Variants in ZNF532 observed in about 807,000 individuals in gnomAD.
ZNF532 encodes the protein zinc finger protein 532.
A neutral mutation model predicts 89.3 loss-of-function variants in ZNF532; 22 were observed. The ratio of observed to expected loss-of-function variants is 0.25; its 90% confidence interval spans 0.18 to 0.35. The LOEUF (loss-of-function observed/expected upper bound fraction) is 0.35, where lower values mean the gene tolerates loss of function less well. Among genes scored for constraint, ZNF532 ranks in the 10% least tolerant of loss-of-function variants. The probability of loss-of-function intolerance (pLI) is 1.00; values close to 1 mark genes in which losing one functional copy is unlikely to be tolerated. For synonymous variants in ZNF532, 606 were observed against 649.6 expected (o/e 0.93, Z 1.02); for missense variants, 1,132 against 1,643.4 (o/e 0.69, Z 5.38).
intron 7 of ZNF532, among the ~76,000 whole-genome samples, chr18:58,977,107 G>A (rs1212081593): frequency 6.6e-6 from 1 of 152,118 alleles, no homozygotes. Context: ...AACAGCATTG[G>A]TATAACTTTT....
chr18:58,983,098 C>G (rs994674501), intron 9 of ZNF532, among the ~76,000 whole-genome samples: 1 of 152,022 alleles, frequency 6.6e-6, no homozygotes, highest in Non-Finnish European at 1.5e-5. Flanking sequence ...GGCAATAGCG[C>G]GAGACTCCGT....
intron 4 of ZNF532, among the ~76,000 whole-genome samples, chr18:58,939,219 C>T (rs1448904621): frequency 8.1e-6 from 1 of 123,306 alleles, no homozygotes; most frequent in African/African-American, 3.2e-5. Flanking sequence ...TGCACTCCAG[C>T]CTGGGCGACA....
At chr18:58,911,251 A>G (rs2060264724) in intron 2 of ZNF532, among the ~76,000 whole-genome samples, 1 of 152,208 alleles carries the variant, frequency 6.6e-6, no homozygotes, top group Non-Finnish European at 1.5e-5. Flanking sequence ...CCCAAAATAG[A>G]AGGGACAGAC....
In ZNF532 at chr18:58,920,443, T is replaced by C; in HGVS notation, c.2156T>C (p.Ile719Thr). ...VGAGTHTVTK[I>T]QSGITGTVIS... is the part of the protein sequence containing the mutation. ...GCTGGCACACACACTGTCACAAAAATTCAGTCTGGCATAACTGGGACAGTC... is the reference window on the plus strand; with the variant it reads ...GCTGGCACACACACTGTCACAAAAACTCAGTCTGGCATAACTGGGACAGTC... The change falls in exon 3 of 10, where the codon ATT (isoleucine) becomes ACT (threonine). Residue 719 changes from isoleucine (I) to threonine (T), a missense_variant. Coordinates refer to ENST00000591808, the MANE Select transcript of ZNF532 (RefSeq NM_001375912.1). The C allele has an allele frequency of 6.2e-7, 1 of 1,613,912 alleles. No individual in the cohort carries two copies. Among genetic ancestry groups the C allele is most frequent in the South Asian group, 1.1e-5 (1 of 91,068 alleles).
intron 9 of ZNF532, among the ~76,000 whole-genome samples, chr18:58,982,917 G>A (rs898763711): frequency 3.3e-5 from 5 of 152,172 alleles, no homozygotes; most frequent in African/African-American, 9.7e-5. Flanking sequence ...TTCGAGACCA[G>A]CCTGGCCAAT....
chr18:58,961,265 C>G (rs957208091), intron 7 of ZNF532, among the ~76,000 whole-genome samples: 6 of 152,188 alleles, frequency 3.9e-5, no homozygotes, highest in African/African-American at 1.4e-4. Context: ...CCATGCTTTG[C>G]GAACTACTGG....
chr18:58,938,090 G>C (rs1196338769), intron 4 of ZNF532, among the ~76,000 whole-genome samples: 5 of 152,170 alleles, frequency 3.3e-5, no homozygotes, highest in African/African-American at 1.2e-4. Context: ...AACTTCGGAA[G>C]CATCTCCATG....
chr18:58,942,333 C>CCCTTCCTTCCTT (rs1385957081), intron 5 of ZNF532, among the ~76,000 whole-genome samples: 2 of 59,272 alleles, frequency 3.4e-5, no homozygotes, highest in Non-Finnish European at 3.2e-5. Flanking sequence ...CTCCCTCCCT[C>CCCTTCCTTCCTT]CCTCCCTCCC....
chr18:58,977,106 G>A (rs2067147719), intron 7 of ZNF532, among the ~76,000 whole-genome samples: 1 of 152,058 alleles, frequency 6.6e-6, no homozygotes, highest in Admixed American at 6.6e-5. Context: ...GAACAGCATT[G>A]GTATAACTTT....
chr18:58,983,895 A>G, intron 9 of ZNF532, 77 bp from the exon 10 acceptor site: 2 of 1,518,440 alleles, frequency 1.3e-6, no homozygotes, highest in Non-Finnish European at 1.8e-6. Context: ...GCAGCTCTAA[A>G]GTAAGAGAAC....
chr18:58,934,416 C>T lies in ZNF532; in HGVS notation c.2347-17C>T. 1 of 1,608,906 alleles carries T rather than the reference C, an allele frequency of 6.2e-7. No individual in the cohort carries two copies. The highest frequency in any genetic ancestry group is 1.3e-5 in the African/African-American group (1 of 74,926). The stretch of plus-strand genomic sequence containing the variant: ...ACTTAGTAGGACCAACCCTGTTTCC[C>T]CCTTTGGTTTGTTTAGAAGACTTGC... On this transcript the variant is annotated splice_polypyrimidine_tract_variant and intron_variant, in intron 3 of 9. Transcript: ENST00000591808.
At chr18:58,950,957 C>CTTTTTTT (rs35733502) in intron 6 of ZNF532, among the ~76,000 whole-genome samples, 1 of 146,308 alleles carries the variant, frequency 6.8e-6, no homozygotes, top group Non-Finnish European at 1.5e-5. Flanking sequence ...TTTTCAGAGT[C>CTTTTTTT]TTTTTTTTTT....
chr18:58,948,579 T>TTTC (rs397967641), intron 6 of ZNF532, among the ~76,000 whole-genome samples: 1 of 150,078 alleles, frequency 6.7e-6, no homozygotes, highest in African/African-American at 2.5e-5. Context: ...TTTTTTTTTT[T>TTTC]CTTTTTGAGA....
At chr18:58,917,466 G>A (rs2060684063) in intron 2 of ZNF532, among the ~76,000 whole-genome samples, 2 of 152,172 alleles carry the variant, frequency 1.3e-5, no homozygotes, top group African/African-American at 4.8e-5. Flanking sequence ...GCCCCCTGCA[G>A]TGGAGGCTTT....
In ZNF532 at chr18:58,948,171, A is replaced by G. The variant is rs2063823628; in HGVS notation, c.2810A>G (p.Lys937Arg). 1.2e-6 allele frequency: 2 copies of G among 1,613,948 alleles called. No homozygotes were observed. Among genetic ancestry groups the G allele is most frequent in the Non-Finnish European group, 1.7e-6 (2 of 1,179,940 alleles). ...HIENQKVSVF[K>R]CPDCSLLYAQ... ...GAAAACCAGAAGGTGTCTGTTTTCA[A>G]GTGTCCAGACTGTTCTCTTTTATAT... The change falls in exon 6 of 10, where the codon AAG (lysine) becomes AGG (arginine). Residue 937 changes from lysine to arginine, a missense_variant. This residue lies in a region of ZNF532 where 415 missense variants were observed against 604.8 expected (regional missense o/e 0.69). Transcript: ENST00000591808.
intron 9 of ZNF532, 77 bp from the exon 10 acceptor site, chr18:58,983,895 A>C: frequency 6.6e-7 from 1 of 1,518,440 alleles, no homozygotes; most frequent in South Asian, 1.3e-5. Flanking sequence ...GCAGCTCTAA[A>C]GTAAGAGAAC....
intron 7 of ZNF532, among the ~76,000 whole-genome samples, chr18:58,970,528 T>G (rs906135830): frequency 2.0e-5 from 3 of 152,134 alleles, no homozygotes; most frequent in Non-Finnish European, 2.9e-5. Flanking sequence ...CATAGTCAGG[T>G]GGTCTCTGGT....
chr18:58,975,247 A>C (rs2066909604), intron 7 of ZNF532, among the ~76,000 whole-genome samples: 1 of 152,120 alleles, frequency 6.6e-6, no homozygotes, highest in South Asian at 2.1e-4. Context: ...TGCAGTCTTT[A>C]AGTTTGTGGG....
chr18:58,928,660 G>A (rs1210883093), intron 3 of ZNF532, among the ~76,000 whole-genome samples: 3 of 152,160 alleles, frequency 2.0e-5, no homozygotes. Flanking sequence ...GACCTTGTGG[G>A]GATCACTACC....
Sources: gnomAD v4.1 joint callset for allele counts (sites outside exome capture counted in the v4.1 genomes callset) on GRCh38, gnomAD v4.1.1 for gene constraint, gnomAD v4.1.1 regional missense constraint, MANE v1.5 for transcripts, NCBI Gene and HGNC (gene_info 2026-07-23, HGNC 2026-07-21) for gene names.